TDP1: variants seen among roughly 807,000 people sequenced by gnomAD.
The protein encoded by TDP1 is tyrosyl-DNA phosphodiesterase 1.
Under a neutral mutation model 81.5 loss-of-function variants are expected in TDP1, and 64 were observed. The observed-to-expected ratio is 0.79, with a 90% CI of 0.64 to 0.97. The LOEUF (loss-of-function observed/expected upper bound fraction) is 0.97, where lower values mean the gene tolerates loss of function less well. Ranked by LOEUF, TDP1 falls within the 50% of genes least tolerant of loss-of-function variation. The probability of loss-of-function intolerance (pLI) is 0.00; values close to 1 mark genes in which losing one functional copy is unlikely to be tolerated. For missense variants in TDP1, 723 were observed against 743.8 expected (o/e 0.97, Z 0.33); for synonymous variants, 256 against 264.3 (o/e 0.97, Z 0.30).
At chr14:89,975,908 C>T (rs1274755494) in intron 7 of TDP1, 93 bp downstream of exon 7, 3 of 970,758 alleles carry the variant, frequency 3.1e-6, no homozygotes, top group Admixed American at 1.7e-5. Flanking sequence ...ATGGTAGGCC[C>T]ACCTAGGATC....
intron 15 of TDP1, among the ~76,000 whole-genome samples, chr14:90,021,190 TTC>T (rs1033979928): frequency 1.3e-5 from 2 of 152,130 alleles, no homozygotes; most frequent in African/African-American, 4.8e-5. Context: ...TTTTCTCCCT[TTC>T]TCTCTCCTCT....
intron 14 of TDP1, among the ~76,000 whole-genome samples, chr14:90,008,924 G>T (rs1234632967): frequency 6.6e-6 from 1 of 152,144 alleles, no homozygotes; most frequent in African/African-American, 2.4e-5. Flanking sequence ...GCCCTGGCTG[G>T]TCTCAAGCCT....
intron 15 of TDP1, chr14:90,032,662 T>C (rs560924687): frequency 5.5e-5 from 45 of 814,062 alleles, no homozygotes; most frequent in Middle Eastern, 6.4e-4. Flanking sequence ...CACATTATAT[T>C]GGAACACTTT....
chr14:89,983,336 C>CT, intron 8 of TDP1: 2 of 312,042 alleles, frequency 6.4e-6, no homozygotes, highest in South Asian at 5.1e-5. Flanking sequence ...TCACACCATG[C>CT]TACCTCCTGT....
At chr14:90,013,398 T>G (rs545857322) in intron 14 of TDP1, among the ~76,000 whole-genome samples, 2 of 152,200 alleles carry the variant, frequency 1.3e-5, no homozygotes, top group East Asian at 3.9e-4. Flanking sequence ...TCCCAAGCAG[T>G]TCTCTTGATA....
At chr14:89,966,232 G>A (rs1296613604) in intron 4 of TDP1, 42 bp downstream of exon 4, 1 of 1,336,502 alleles carries the variant, frequency 7.5e-7, no homozygotes, top group Non-Finnish European at 1.1e-6. Flanking sequence ...GGTGAAAGTA[G>A]ACAGGTAATT....
rs1360226141 is a variant in TDP1, at chr14:89,989,784, G to A, written c.1366+19G>A. 6.3e-7 allele frequency: 1 copy of A among 1,586,566 alleles called. No homozygotes were observed. Among genetic ancestry groups the A allele is most frequent in the Admixed American group, 1.7e-5 (1 of 59,940 alleles). ...TATCCTGGTAATTCTTGGGGAGACTGTCTTGATTGTGTTTTATGTATATTT... is the reference window on the plus strand; with the variant it reads ...TATCCTGGTAATTCTTGGGGAGACTATCTTGATTGTGTTTTATGTATATTT... On this transcript the variant is annotated intron_variant, in intron 12 of 16. Transcript: ENST00000335725.
intron 14 of TDP1, among the ~76,000 whole-genome samples, chr14:90,011,713 C>T (rs570022293): frequency 1.4e-4 from 21 of 152,256 alleles, no homozygotes; most frequent in Admixed American, 3.9e-4. Context: ...AATTTCTAAG[C>T]AGCAAAGTGT....
intron 4 of TDP1, among the ~76,000 whole-genome samples, chr14:89,966,438 G>C (rs1408998568): frequency 6.6e-6 from 1 of 152,160 alleles, no homozygotes; most frequent in Non-Finnish European, 1.5e-5. Flanking sequence ...AAGTCACTTT[G>C]GACATTCCAG....
At chr14:90,008,620 G>A (rs1294898202) in intron 14 of TDP1, among the ~76,000 whole-genome samples, 1 of 152,134 alleles carries the variant, frequency 6.6e-6, no homozygotes, top group Non-Finnish European at 1.5e-5. Context: ...AACAACATTT[G>A]GCAGTTAATA....
Position 89,975,581 on chromosome 14 carries a change from GTTT to G in TDP1, c.757-182_757-180del, listed in dbSNP as rs35133244. On this transcript the variant is annotated intron_variant, in intron 6 of 16. Transcript: ENST00000335725. ...AATCATTCTGGGTAACAAAATTTGT[GTTT>G]TTTTTTTTTTTTTTTTTAATGAGCG... The G allele has an allele frequency of 6.4e-3, 1,726 of 267,792 alleles. 1 individual carries two copies. Among genetic ancestry groups the G allele is most frequent in the Middle Eastern group, 9.5e-3 (5 of 526 alleles). 16.6% of individuals were successfully genotyped at this position (267,792 alleles called of 1,614,324 possible).
intron 16 of TDP1, among the ~76,000 whole-genome samples, chr14:90,040,686 A>C (rs1432662570): frequency 1.3e-5 from 2 of 152,242 alleles, no homozygotes; most frequent in Non-Finnish European, 1.5e-5. Context: ...TTGTTCTCTC[A>C]TGGGACAATT....
intron 14 of TDP1, among the ~76,000 whole-genome samples, chr14:90,015,612 A>G (rs1286927): frequency 0.97 from 147,673 of 152,342 alleles, 71,620 homozygotes; most frequent in East Asian, 1. Context: ...ATGTCAGTGT[A>G]CCAGCATGGC....
intron 3 of TDP1, chr14:89,964,933 G>C: frequency 4.9e-6 from 2 of 410,516 alleles, no homozygotes; most frequent in South Asian, 3.6e-5. Flanking sequence ...CAAGGTCGTA[G>C]AGCTGGTAAT....
chr14:90,035,167 T>C (rs1887697158), intron 16 of TDP1, among the ~76,000 whole-genome samples: 1 of 152,258 alleles, frequency 6.6e-6, no homozygotes, highest in South Asian at 2.1e-4. Flanking sequence ...CTTCTCTGTC[T>C]GATGGGCCCT....
intron 12 of TDP1, among the ~76,000 whole-genome samples, chr14:89,990,181 C>T (rs76173799): frequency 0.011 from 1,675 of 152,136 alleles, 25 homozygotes; most frequent in African/African-American, 0.033. Flanking sequence ...ATTTAAGGTC[C>T]GGAATTTTTA....
chr14:90,041,685 A>C (rs1436394193), intron 16 of TDP1, among the ~76,000 whole-genome samples: 1 of 152,230 alleles, frequency 6.6e-6, no homozygotes, highest in Non-Finnish European at 1.5e-5. Flanking sequence ...TACAATGTGC[A>C]TTCTAGCCCC....
At chr14:90,006,421 C>A (rs34316378) in intron 14 of TDP1, among the ~76,000 whole-genome samples, 7 of 152,166 alleles carry the variant, frequency 4.6e-5, no homozygotes, top group African/African-American at 1.4e-4. Context: ...CGCTGTCACT[C>A]AGGCTGGAGT....
At chr14:90,029,194 A>ATTTTTTT (rs539198642) in intron 15 of TDP1, among the ~76,000 whole-genome samples, 1 of 116,192 alleles carries the variant, frequency 8.6e-6, no homozygotes, top group African/African-American at 3.2e-5. Context: ...CCCTGCCATT[A>ATTTTTTT]TTTTTTTTTT....
Sources: allele counts gnomAD v4.1 joint callset (sites outside exome capture counted in the v4.1 genomes callset), GRCh38; gene constraint gnomAD v4.1.1; transcripts MANE v1.5; gene names NCBI Gene and HGNC (gene_info 2026-07-23, HGNC 2026-07-21).